The following SDK2 variants were observed in gnomAD, a reference collection of about 807,000 sequenced individuals.
The protein encoded by SDK2 is sidekick cell adhesion molecule 2.
In SDK2, 105 loss-of-function variants were observed where a neutral mutation model predicts 253.9. The ratio of observed to expected loss-of-function variants is 0.41; its 90% CI spans 0.35 to 0.49. SDK2 has a LOEUF of 0.49. SDK2 is among the 20% of genes least tolerant of loss of function. The pLI, the probability that SDK2 is intolerant of heterozygous loss-of-function variation, is 0.06. For missense variants in SDK2, 2,608 were observed against 3,003.0 expected, an observed-to-expected ratio of 0.87 and a Z score of 3.07; for synonymous variants, 1,249 against 1,234.9, an observed-to-expected ratio of 1.01 and a Z score of -0.24.
At chr17:73,479,511 G>A (rs77487612) in intron 2 of SDK2, among the ~76,000 whole-genome samples, 52 of 152,234 alleles carry the variant, frequency 3.4e-4, no homozygotes, top group African/African-American at 1.2e-3. Flanking sequence ...TCAGGAAATC[G>A]GGCAAAACTC....
At chr17:73,628,842 C>G (rs2046234930) in intron 1 of SDK2, among the ~76,000 whole-genome samples, 1 of 152,226 alleles carries the variant, frequency 6.6e-6, no homozygotes, top group Non-Finnish European at 1.5e-5. Flanking sequence ...GCCCCAGAGA[C>G]TGGCTCTTCA....
chr17:73,484,470 C>G (rs1328235397), intron 2 of SDK2, among the ~76,000 whole-genome samples: 1 of 152,218 alleles, frequency 6.6e-6, no homozygotes, highest in Non-Finnish European at 1.5e-5. Context: ...GGCTGAGAAG[C>G]CTCTTCCCTC....
Position 73,467,265 on chromosome 17 carries a change from T to C in SDK2, c.331+4847A>G, listed in dbSNP as rs769861579. On this transcript the variant is annotated intron_variant, in intron 3 of 44. Coordinates refer to ENST00000392650, the MANE Select transcript of SDK2 (RefSeq NM_001144952.2). This position sits in a 1 kb window ranked among gnomAD's most constrained non-coding sequence, Gnocchi z 4.1. ...CCTCCTCCCACACACCCAATTTTGA[T>C]TTTTCTCTTCTTGTCCTCAAGCAGT... is the stretch of plus-strand genomic sequence containing the variant. 6.6e-6 allele frequency among the ~76,000 whole-genome samples: 1 copy of C among 151,886 alleles called. No individual in the cohort carries two copies. Among genetic ancestry groups the C allele is most frequent in the East Asian group, 1.9e-4 (1 of 5,144 alleles).
At chr17:73,556,526 T>C (rs964268730) in intron 1 of SDK2, among the ~76,000 whole-genome samples, 2 of 152,214 alleles carry the variant, frequency 1.3e-5, no homozygotes, top group African/African-American at 4.8e-5. Context: ...CCGTGACTCA[T>C]TTTTGGTAGA....
chr17:73,615,084 G>A (rs1029720422), intron 1 of SDK2, among the ~76,000 whole-genome samples: 2 of 151,632 alleles, frequency 1.3e-5, no homozygotes, highest in Non-Finnish European at 2.9e-5. Context: ...CCACCTCTAG[G>A]TTATTATTTT....
rs983592320 is a variant in SDK2 at position 73,467,456 on chromosome 17, C to T, written c.331+4656G>A. ...AGGCTGGGACGAGAACCACTGTGCC[C>T]TTCCCAGCACAGTGACCCTCAGGAC... is the stretch of plus-strand genomic sequence containing the variant. On this transcript the variant is annotated intron_variant, in intron 3 of 44. Transcript: ENST00000392650. The surrounding 1 kb of genome is among the most constrained non-coding windows in gnomAD (Gnocchi z 4.1). Among the ~76,000 whole-genome samples the T allele has an allele frequency of 6.6e-6, 1 of 152,150 alleles. No individual in the cohort carries two copies. Among genetic ancestry groups the T allele is most frequent in the Admixed American group, 6.5e-5 (1 of 15,274 alleles).
chr17:73,610,015 C>T (rs1472667461), intron 1 of SDK2, among the ~76,000 whole-genome samples: 1 of 152,194 alleles, frequency 6.6e-6, no homozygotes, highest in Non-Finnish European at 1.5e-5. Context: ...AGCAGGGTCC[C>T]CCACAAATGC....
At chr17:73,358,352 A>AT in intron 39 of SDK2, 148 bp from the exon 40 acceptor site, 2 of 1,023,696 alleles carry the variant, frequency 2.0e-6, no homozygotes, top group Non-Finnish European at 2.8e-6. Context: ...GCGGCCTGAG[A>AT]GTACATCTCA....
chr17:73,544,617 A>AATGG lies in SDK2; in HGVS notation c.65-37024_65-37021dup, dbSNP rs150325023. Among the ~76,000 whole-genome samples the AATGG allele has an allele frequency of 2.2e-3, 328 of 152,260 alleles. 4 individuals carry two copies. The East Asian group carries it at 0.034, about 16-fold the overall frequency. ...AGAATGGATACATGGACAGATGGAT[A>AATGG]ATGGATGGATGGATGGATAGTGGAT... is the stretch of plus-strand genomic sequence containing the variant. On this transcript the variant is annotated intron_variant, in intron 1 of 44. Coordinates refer to ENST00000392650, the MANE Select transcript of SDK2 (RefSeq NM_001144952.2).
chr17:73,418,911 C>G (rs2063204735), intron 16 of SDK2, among the ~76,000 whole-genome samples: 1 of 152,164 alleles, frequency 6.6e-6, no homozygotes. Flanking sequence ...CCTTGTAGGC[C>G]TGTTCCTATG....
chr17:73,497,471 G>A (rs1442018344), intron 2 of SDK2, among the ~76,000 whole-genome samples: 2 of 152,036 alleles, frequency 1.3e-5, no homozygotes, highest in African/African-American at 4.8e-5. Flanking sequence ...TTTTCTTCTA[G>A]TTGCCTGTTG....
chr17:73,417,544 G>A (rs867323000), intron 16 of SDK2, among the ~76,000 whole-genome samples: 2 of 152,296 alleles, frequency 1.3e-5, no homozygotes, highest in Middle Eastern at 3.4e-3. Flanking sequence ...CTGGGTAGCA[G>A]AGGTCTAGGG....
intron 1 of SDK2, among the ~76,000 whole-genome samples, chr17:73,522,028 G>C (rs1217827595): frequency 6.6e-6 from 1 of 152,234 alleles, no homozygotes; most frequent in African/African-American, 2.4e-5. Context: ...CTTTACAGAG[G>C]AGGGCACTGA....
chr17:73,502,703 CTT>C (rs2063899902), intron 2 of SDK2, among the ~76,000 whole-genome samples: 1 of 152,218 alleles, frequency 6.6e-6, no homozygotes. Context: ...AGAAAATCTC[CTT>C]ATCCCAACCA....
intron 1 of SDK2, among the ~76,000 whole-genome samples, chr17:73,640,437 C>A (rs1437189206): frequency 2.0e-5 from 3 of 151,960 alleles, no homozygotes; most frequent in Non-Finnish European, 2.9e-5. Context: ...TTCCGGACTC[C>A]CCCGCGGAAG....
chr17:73,434,747 C>T (rs1057016978), intron 9 of SDK2, among the ~76,000 whole-genome samples: 7 of 152,226 alleles, frequency 4.6e-5, no homozygotes, highest in Non-Finnish European at 7.3e-5. Flanking sequence ...CCTCTCACTT[C>T]AGCATCCCTA....
At chr17:73,611,085 G>A (rs773535291) in intron 1 of SDK2, among the ~76,000 whole-genome samples, 1 of 152,242 alleles carries the variant, frequency 6.6e-6, no homozygotes, top group Admixed American at 6.5e-5. Flanking sequence ...GCCCTAGGTC[G>A]TGCTGCGATT....
chr17:73,469,902 T>C (rs1435267024), intron 3 of SDK2, among the ~76,000 whole-genome samples: 2 of 151,990 alleles, frequency 1.3e-5, no homozygotes, highest in Non-Finnish European at 2.9e-5. Context: ...CTGTCTCCTA[T>C]GAGCCAAGGG....
chr17:73,399,370 G>C, intron 21 of SDK2, 81 bp from the exon 22 acceptor site: 1 of 1,444,458 alleles, frequency 6.9e-7, no homozygotes, highest in Non-Finnish European at 9.6e-7. Context: ...GGCATGGAGG[G>C]GGCTGTGTGT....
Sources: gnomAD v4.1 joint callset for allele counts (sites outside exome capture counted in the v4.1 genomes callset) on GRCh38, gnomAD v4.1.1 for gene constraint, Gnocchi (gnomAD v3.1) non-coding constraint, MANE v1.5 for transcripts, NCBI Gene and HGNC (gene_info 2026-07-23, HGNC 2026-07-21) for gene names.